Variants in WWOX observed in about 807,000 individuals in gnomAD.
WWOX encodes the protein WW domain containing oxidoreductase.
WWOX carries 69 observed loss-of-function variants against 46.2 expected under a neutral mutation model. That is an observed-to-expected ratio of 1.49 (90% CI 1.23 to 1.82). The LOEUF is 1.82. Among genes scored for constraint, WWOX ranks in the 40% most tolerant of loss-of-function variants. WWOX has a pLI of 0.00. For missense variants in WWOX, 919 were observed against 542.6 expected (o/e 1.69, Z -6.89); for synonymous variants, 359 against 202.6 (o/e 1.77, Z -6.56).
intron 8 of WWOX, among the ~76,000 whole-genome samples, chr16:78,955,936 C>G (rs2046156917): frequency 1.3e-5 from 2 of 151,788 alleles, no homozygotes; most frequent in Admixed American, 6.6e-5. Context: ...GCATGAGCCA[C>G]CATGCCTGGC....
At chr16:79,131,186 C>G (rs753573025) in intron 8 of WWOX, among the ~76,000 whole-genome samples, 3 of 152,118 alleles carry the variant, frequency 2.0e-5, no homozygotes, top group Non-Finnish European at 2.9e-5. Context: ...ATGTAACAAG[C>G]AAGGTGATTC....
chr16:78,555,126 C>G (rs574066730), intron 8 of WWOX, among the ~76,000 whole-genome samples: 1 of 141,082 alleles, frequency 7.1e-6, no homozygotes, highest in Non-Finnish European at 1.5e-5. Flanking sequence ...CTCTTTCTCT[C>G]TGTCTTTTTC....
intron 8 of WWOX, among the ~76,000 whole-genome samples, chr16:78,763,312 A>G (rs116682354): frequency 1.6e-3 from 241 of 152,300 alleles, no homozygotes; most frequent in African/African-American, 5.4e-3. Context: ...ATATGTTCCA[A>G]TTTCCCATGT....
chr16:78,536,661 T>C lies in WWOX; in HGVS notation c.1056+103909T>C, dbSNP rs149334011. Among the ~76,000 whole-genome samples, 97 of 152,226 alleles carry C rather than the reference T, an allele frequency of 6.4e-4. 1 individual carries two copies. The highest frequency in any genetic ancestry group is 2.2e-3 in the African/African-American group (90 of 41,548). On this transcript the variant is annotated intron_variant, in intron 8 of 8. Transcript: ENST00000566780. ...CATGCAAAGAAAGCTGAGCATGGGA[T>C]TGTGCCGGTTTAGCCAGCTAAAGTG...
At chr16:78,404,488 T>A (rs1277269898) in intron 6 of WWOX, among the ~76,000 whole-genome samples, 3 of 152,130 alleles carry the variant, frequency 2.0e-5, no homozygotes, top group Non-Finnish European at 4.4e-5. Flanking sequence ...CCAACCCTCC[T>A]CATCTGCCAG....
At chr16:78,578,275 TATA>T (rs1567657354) in intron 8 of WWOX, among the ~76,000 whole-genome samples, 5 of 40,602 alleles carry the variant, frequency 1.2e-4, no homozygotes, top group African/African-American at 4.2e-4. Flanking sequence ...TATATATATA[TATA>T]TATATATTTT....
intron 8 of WWOX, among the ~76,000 whole-genome samples, chr16:79,143,309 A>G (rs146154069): frequency 7.3e-5 from 11 of 151,434 alleles, no homozygotes; most frequent in African/African-American, 2.7e-4. Context: ...AAAAACTGTT[A>G]CCGCCTAACA....
intron 5 of WWOX, among the ~76,000 whole-genome samples, chr16:78,272,741 A>G (rs2079503808): frequency 6.6e-6 from 1 of 152,052 alleles, no homozygotes; most frequent in South Asian, 2.1e-4. Context: ...AGCAGTAGCA[A>G]TAATGCTAAT....
chr16:78,677,423 C>G (rs373446054), intron 8 of WWOX, among the ~76,000 whole-genome samples: 1 of 152,186 alleles, frequency 6.6e-6, no homozygotes. Flanking sequence ...GGCTTGCCAA[C>G]GTTTTCAAGT....
chr16:78,175,208 G>T (rs1367666576), intron 5 of WWOX, among the ~76,000 whole-genome samples: 1 of 151,992 alleles, frequency 6.6e-6, no homozygotes, highest in Non-Finnish European at 1.5e-5. Context: ...AGGGGTGTCA[G>T]AGCCTACCCT....
chr16:79,091,814 C>G (rs962264014), intron 8 of WWOX, among the ~76,000 whole-genome samples: 5 of 124,982 alleles, frequency 4.0e-5, no homozygotes, highest in African/African-American at 9.6e-5. Flanking sequence ...CGGAGTCTAG[C>G]TCTGTCACCA....
intron 8 of WWOX, among the ~76,000 whole-genome samples, chr16:79,048,644 C>T (rs2150524532): frequency 6.6e-6 from 1 of 152,248 alleles, no homozygotes; most frequent in East Asian, 1.9e-4. Context: ...GATAATTATA[C>T]TCTAAAGCAT....
At chr16:78,999,022 T>A (rs556734866) in intron 8 of WWOX, among the ~76,000 whole-genome samples, 6 of 152,208 alleles carry the variant, frequency 3.9e-5, no homozygotes, top group African/African-American at 1.4e-4. Flanking sequence ...AGGAACCAAA[T>A]GGCTGTGAAG....
chr16:78,301,681 G>A (rs549133812), intron 5 of WWOX, among the ~76,000 whole-genome samples: 1 of 152,132 alleles, frequency 6.6e-6, no homozygotes. Flanking sequence ...AGACCTCAGG[G>A]CTGTTTGCCT....
chr16:78,466,542 T>C (rs766527457), intron 8 of WWOX, among the ~76,000 whole-genome samples: 8 of 152,120 alleles, frequency 5.3e-5, no homozygotes, highest in Non-Finnish European at 1.0e-4. Context: ...GTTTTTTAAA[T>C]ATTCCAGCTG....
At chr16:78,205,703 C>G (rs2036367799) in intron 5 of WWOX, among the ~76,000 whole-genome samples, 1 of 152,102 alleles carries the variant, frequency 6.6e-6, no homozygotes. Context: ...GTTCATTCAT[C>G]TATCCATCCA....
intron 8 of WWOX, among the ~76,000 whole-genome samples, chr16:78,914,121 C>G (rs538564465): frequency 2.6e-5 from 4 of 152,060 alleles, no homozygotes; most frequent in Admixed American, 1.3e-4. Flanking sequence ...TCACAGGAGT[C>G]TTTCCTGGCT....
At chr16:78,770,642 C>T (rs1359038623) in intron 8 of WWOX, among the ~76,000 whole-genome samples, 1 of 152,134 alleles carries the variant, frequency 6.6e-6, no homozygotes, top group African/African-American at 2.4e-5. Flanking sequence ...GGGTGGAGTG[C>T]CGGGAAACTC....
At chr16:78,499,563 G>C (rs1327281486) in intron 8 of WWOX, among the ~76,000 whole-genome samples, 1 of 152,224 alleles carries the variant, frequency 6.6e-6, no homozygotes, top group Admixed American at 6.5e-5. Flanking sequence ...GCCGGGCGGT[G>C]GACGGGCTTC....
Sources: allele counts gnomAD v4.1 joint callset (sites outside exome capture counted in the v4.1 genomes callset), GRCh38; gene constraint gnomAD v4.1.1; transcripts MANE v1.5; gene names NCBI Gene and HGNC (gene_info 2026-07-23, HGNC 2026-07-21).